UTP6: variants seen among roughly 807,000 people sequenced by gnomAD.
The protein encoded by UTP6 is UTP6 small subunit processome component.
In UTP6, 60 loss-of-function variants were observed where a neutral mutation model predicts 96.5. The observed-to-expected ratio is 0.62, with a 90% CI of 0.51 to 0.77. The LOEUF (loss-of-function observed/expected upper bound fraction) is 0.77. Ranked by LOEUF, UTP6 falls within the 30% of genes least tolerant of loss-of-function variation. The probability of loss-of-function intolerance (pLI) is 0.00; values close to 1 mark genes in which losing one functional copy is unlikely to be tolerated. For missense variants in UTP6, 637 were observed against 706.5 expected, an observed-to-expected ratio of 0.90 and a Z score of 1.12; for synonymous variants, 215 against 240.1, an observed-to-expected ratio of 0.90 and a Z score of 0.96.
chr17:31,863,095 A>C lies in UTP6; in HGVS notation c.*264T>G, dbSNP rs1909614460. 4.6e-6 allele frequency: 2 copies of C among 436,620 alleles called. No homozygotes were observed. The highest frequency in any genetic ancestry group is 3.9e-5 in the Admixed American group (1 of 25,584). 27.0% of individuals were successfully genotyped at this position (436,620 alleles called of 1,614,324 possible). A position where few individuals can be genotyped will look rare whatever the true frequency, so the allele number is the denominator to read the frequency against. On this transcript the variant is annotated 3_prime_UTR_variant, in exon 19 of 19. Coordinates refer to ENST00000261708, the MANE Select transcript of UTP6 (RefSeq NM_018428.3). ...GTGTCATGCACCTATAATCCCAGCT[A>C]CTCAGGAGTCTGAGGTGAGAAGGTC...
intron 13 of UTP6, among the ~76,000 whole-genome samples, chr17:31,876,584 A>G (rs941883725): frequency 1.3e-5 from 2 of 151,272 alleles, no homozygotes; most frequent in African/African-American, 2.4e-5. Context: ...GCGGAGGTTG[A>G]GGTGAGCCAA....
At chr17:31,887,867 A>T (rs1034776263) in intron 7 of UTP6, 1 of 148,690 alleles carries the variant, frequency 6.7e-6, no homozygotes, top group African/African-American at 2.5e-5. Context: ...GGGCTGAGGC[A>T]GGAGAATCGT....
At position 31,881,130 on chromosome 17, in the gene UTP6, C is replaced by T. The variant is rs139111920; in HGVS notation, c.786-376G>A. Among the ~76,000 whole-genome samples the T allele has an allele frequency of 3.8e-3, 576 of 151,280 alleles. 7 individuals carry two copies. The highest frequency in any genetic ancestry group is 0.013 in the African/African-American group (522 of 41,204). On this transcript the variant is annotated intron_variant, in intron 10 of 18. Coordinates refer to ENST00000261708, the MANE Select transcript of UTP6 (RefSeq NM_018428.3). ...GGCAGAAGTTGCAGTGAGTCGAGAT[C>T]GCATCACTCCAGCATGGGCGACAGA...
intron 18 of UTP6, 91 bp from the exon 19 acceptor site, chr17:31,863,607 A>C: frequency 8.3e-7 from 1 of 1,200,378 alleles, no homozygotes; most frequent in Non-Finnish European, 1.2e-6. Flanking sequence ...TTTCTAAGAA[A>C]CTTAACTTCT....
chr17:31,866,571 A>C (rs1172325310), intron 17 of UTP6: 1 of 151,842 alleles, frequency 6.6e-6, no homozygotes, highest in Admixed American at 6.6e-5. Context: ...GTCCCTACTA[A>C]AAATACAAAA....
At chr17:31,867,984 T>C in intron 17 of UTP6, 62 bp downstream of exon 17, 1 of 1,541,262 alleles carries the variant, frequency 6.5e-7, no homozygotes. Flanking sequence ...AAAAACAGTC[T>C]GATAGATTAG....
In UTP6 at chr17:31,870,987, G is replaced by GT. The variant is rs58931819; in HGVS notation, c.1496+2390dup. Among the ~76,000 whole-genome samples, 209 of 111,074 alleles carry GT rather than the reference G, an allele frequency of 1.9e-3. 2 individuals are homozygous for GT. The highest frequency in any genetic ancestry group is 4.5e-3 in the African/African-American group (137 of 30,482). 72.9% of individuals were successfully genotyped at this position (111,074 alleles called of 152,430 possible). Reference sequence around the variant, plus strand: ...CATGCCATGACACCCAACTTTTTAAGTTTTTTTTTTTTTTTTTTTTGAGAT... The same window carrying GT: ...CATGCCATGACACCCAACTTTTTAAGTTTTTTTTTTTTTTTTTTTTTGAGAT... On this transcript the variant is annotated intron_variant, in intron 16 of 18. Transcript: ENST00000261708.
Position 31,873,501 on chromosome 17 carries a change from G to GA in UTP6, c.1387-15dup, listed in dbSNP as rs751282153. 1 of 1,606,392 alleles carries GA rather than the reference G, an allele frequency of 6.2e-7. No homozygotes were observed. The highest frequency in any genetic ancestry group is 8.5e-7 in the Non-Finnish European group (1 of 1,178,164). ...TAAGAGAGCTTTCTACAATTTAAAA[G>GA]AAAAAAGAAAGAAGCTATGTGAGAA... On this transcript the variant is annotated splice_polypyrimidine_tract_variant and intron_variant, in intron 15 of 18. Transcript: ENST00000261708.
chr17:31,873,022 G>A (rs1910277671), intron 16 of UTP6, among the ~76,000 whole-genome samples: 1 of 150,980 alleles, frequency 6.6e-6, no homozygotes, highest in African/African-American at 2.4e-5. Context: ...AGGCTGAGGT[G>A]GGCAGATCAC....
rs560370055 is a variant in UTP6 at position 31,900,542 on chromosome 17, G to A, written c.93-812C>T. 3.3e-5 allele frequency among the ~76,000 whole-genome samples: 5 copies of A among 152,172 alleles called. No homozygotes were observed. The East Asian group carries it at 7.7e-4, about 24-fold the overall frequency. On this transcript the variant is annotated intron_variant, in intron 1 of 18. Coordinates refer to ENST00000261708, the MANE Select transcript of UTP6 (RefSeq NM_018428.3). ...CCTGACCTCGTGATCCACCCACCTC[G>A]GCCTCCCAAAGTGCTGGGATTACAG...
At chr17:31,881,122 G>T (rs1910810112) in intron 10 of UTP6, among the ~76,000 whole-genome samples, 1 of 151,658 alleles carries the variant, frequency 6.6e-6, no homozygotes, top group South Asian at 2.1e-4. Flanking sequence ...GTTGCAGTGA[G>T]TCGAGATCGC....
At chr17:31,867,585 A>G (rs901560426) in intron 17 of UTP6, among the ~76,000 whole-genome samples, 6 of 152,110 alleles carry the variant, frequency 3.9e-5, no homozygotes, top group Non-Finnish European at 7.3e-5. Flanking sequence ...TACCGTTCTT[A>G]AACCAGCTCT....
At chr17:31,876,026 T>C (rs1406010934) in intron 13 of UTP6, among the ~76,000 whole-genome samples, 3 of 151,772 alleles carry the variant, frequency 2.0e-5, no homozygotes, top group Non-Finnish European at 4.4e-5. Context: ...AGTTAGGTTT[T>C]TTTGTTTTTC....
In UTP6 at chr17:31,889,176, A is replaced by G. The variant is rs181938271; in HGVS notation, c.543+109T>C. 1.2e-5 allele frequency: 9 copies of G among 726,466 alleles called. No homozygotes were observed. In the African/African-American group the frequency reaches 1.2e-4, roughly 10 times the overall value. The allele number at this position is 726,466 out of a possible 1,614,324, so 45.0% of individuals were successfully genotyped here. Reference sequence around the variant, plus strand: ...GTGGCGGGCACCTGTAATCCCAGCTACTCGGGAGGCTGAGGCGTAAGAATT... The same window carrying G: ...GTGGCGGGCACCTGTAATCCCAGCTGCTCGGGAGGCTGAGGCGTAAGAATT... On this transcript the variant is annotated intron_variant, in intron 7 of 18. Coordinates refer to ENST00000261708, the MANE Select transcript of UTP6 (RefSeq NM_018428.3).
At chr17:31,877,181 G>A (rs541053532) in intron 13 of UTP6, among the ~76,000 whole-genome samples, 1 of 152,202 alleles carries the variant, frequency 6.6e-6, no homozygotes, top group African/African-American at 2.4e-5. Flanking sequence ...AGTGCTCAAC[G>A]CTTCAATTTG....
At chr17:31,891,415 T>A (rs1037243413) in intron 6 of UTP6, among the ~76,000 whole-genome samples, 1 of 152,236 alleles carries the variant, frequency 6.6e-6, no homozygotes. Context: ...TACCTAAGGC[T>A]ATCCTGCTAT....
intron 2 of UTP6, among the ~76,000 whole-genome samples, chr17:31,895,372 T>G (rs545465434): frequency 6.6e-6 from 1 of 152,226 alleles, no homozygotes; most frequent in Non-Finnish European, 1.5e-5. Context: ...AAGCTACCTA[T>G]GTACCTATCT....
chr17:31,885,586 G>A (rs1235294479), intron 9 of UTP6, among the ~76,000 whole-genome samples: 1 of 151,808 alleles, frequency 6.6e-6, no homozygotes, highest in Non-Finnish European at 1.5e-5. Flanking sequence ...TCAGGAGTAC[G>A]AGACCAGCCT....
At chr17:31,893,212 G>A (rs546783462) in intron 4 of UTP6, among the ~76,000 whole-genome samples, 8 of 151,988 alleles carry the variant, frequency 5.3e-5, no homozygotes, top group Admixed American at 2.6e-4. Flanking sequence ...GGCCGAGATC[G>A]GGCCACTGCA....
Sources: allele counts gnomAD v4.1 joint callset (sites outside exome capture counted in the v4.1 genomes callset), GRCh38; gene constraint gnomAD v4.1.1; transcripts MANE v1.5; gene names NCBI Gene and HGNC (gene_info 2026-07-23, HGNC 2026-07-21).